The following TSC2 variants were observed in gnomAD, a reference collection of about 807,000 sequenced individuals.
TSC2 encodes tuberin.
TSC2 carries 29 observed loss-of-function variants against 202.2 expected under a neutral mutation model. The ratio of observed to expected loss-of-function variants is 0.14; its 90% CI spans 0.11 to 0.20. The LOEUF (loss-of-function observed/expected upper bound fraction) is 0.20. Among genes scored for constraint, TSC2 ranks in the 10% least tolerant of loss-of-function variants. The probability of loss-of-function intolerance (pLI) is 1.00; values close to 1 mark genes in which losing one functional copy is unlikely to be tolerated. For missense variants in TSC2, 2,429 were observed against 2,420.0 expected (o/e 1.00, Z -0.08); for synonymous variants, 1,349 against 1,044.0 (o/e 1.29, Z -5.63).
chr16:2,076,234 G>A, intron 24 of TSC2, 64 bp downstream of exon 24: 2 of 1,606,388 alleles, frequency 1.2e-6, no homozygotes, highest in Non-Finnish European at 1.7e-6. Flanking sequence ...GCCCTTGGCT[G>A]TCCATGGTCG....
chr16:2,082,634 TCG>T (rs2090285452), intron 32 of TSC2, 130 bp downstream of exon 32: 1 of 1,014,140 alleles, frequency 9.9e-7, no homozygotes, highest in African/African-American at 1.6e-5. Context: ...AGGTCCCGAC[TCG>T]CATGAGGACG....
chr16:2,070,595 T>G lies in TSC2; in HGVS notation c.1839+17T>G, dbSNP rs1401501199. On this transcript the variant is annotated intron_variant, in intron 17 of 41. Coordinates refer to ENST00000219476, the MANE Select transcript of TSC2 (RefSeq NM_000548.5). ...CGGCTGCAGGTATGGTGGCTGGGGT[T>G]GCGCAGCCAGTTCCTGGGGGCCCAG... The G allele has an allele frequency of 2.5e-6, 4 of 1,612,830 alleles. No individual in the cohort carries two copies. The highest frequency in any genetic ancestry group is 3.4e-6 in the Non-Finnish European group (4 of 1,179,928).
Position 2,058,735 on chromosome 16 carries a change from G to T in TSC2, c.849-12G>T, listed in dbSNP as rs2151104844. On this transcript the variant is annotated splice_polypyrimidine_tract_variant and intron_variant, in intron 9 of 41. Coordinates refer to ENST00000219476, the MANE Select transcript of TSC2 (RefSeq NM_000548.5). Reference sequence around the variant, plus strand: ...CCTGCTCACATTCCGTCTCTCTGGGGAACACTTTTAGAGCCTACATGGAGG... The same window carrying T: ...CCTGCTCACATTCCGTCTCTCTGGGTAACACTTTTAGAGCCTACATGGAGG... The T allele has an allele frequency of 6.4e-7, 1 of 1,574,588 alleles. No homozygotes were observed. Among genetic ancestry groups the T allele is most frequent in the Non-Finnish European group, 8.6e-7 (1 of 1,160,050 alleles).
chr16:2,071,486 C>G (rs750610943), intron 17 of TSC2, 24 bp from the exon 18 acceptor site: 29 of 1,612,958 alleles, frequency 1.8e-5, no homozygotes, highest in Non-Finnish European at 2.4e-5. Context: ...TTGGCTCTGG[C>G]TTTCACCATC....
At chr16:2,060,403 G>A (rs927978909) in intron 10 of TSC2, among the ~76,000 whole-genome samples, 1 of 152,190 alleles carries the variant, frequency 6.6e-6, no homozygotes, top group Non-Finnish European at 1.5e-5. Context: ...CTGGCCCACC[G>A]GGTGCCCAGG....
At position 2,089,041 on chromosome 16, in the gene TSC2, C is replaced by A. The variant is rs756923313; in HGVS notation, c.*431C>A. 1.4e-4 allele frequency: 27 copies of A among 197,724 alleles called. No individual in the cohort carries two copies. The highest frequency in any genetic ancestry group is 2.5e-4 in the Non-Finnish European group (24 of 95,266). The allele number at this position is 197,724 out of a possible 1,614,324, so 12.2% of individuals were successfully genotyped here. ...TGGGCGCTGCTCTCTTGCTACCTGG[C>A]CTGGGGCAAGGGAGGATGACAAGGC... On this transcript the variant is annotated 3_prime_UTR_variant, in exon 42 of 42. Transcript: ENST00000219476.
intron 12 of TSC2, among the ~76,000 whole-genome samples, 163 bp downstream of exon 12, chr16:2,062,171 G>A (rs1567429562): frequency 6.6e-6 from 1 of 152,240 alleles, no homozygotes; most frequent in African/African-American, 2.4e-5. Context: ...CACAGCACGT[G>A]TTTGGTAACA....
rs1393358018 is a variant in TSC2, at chr16:2,084,470, C to G, written c.4248C>G (p.Ala1416=). 6.2e-7 allele frequency: 1 copy of G among 1,609,310 alleles called. No individual in the cohort carries two copies. The highest frequency in any genetic ancestry group is 8.5e-7 in the Non-Finnish European group (1 of 1,178,600). The stretch of plus-strand genomic sequence containing the variant: ...GCCGGCTGAGCCCTGAGGTTAAGGC[C>G]CGGTCACAGTCAGGGACCCTGGACG... ...DVGRLSPEVK[A]RSQSGTLDGE... Residue 1416 remains alanine, a synonymous_variant, in exon 34 of 42, where the codon GCC becomes GCG. Coordinates refer to ENST00000219476, the MANE Select transcript of TSC2 (RefSeq NM_000548.5).
rs45517275 is a variant in TSC2 at position 2,077,647 on chromosome 16, G to A, written c.2887G>A (p.Val963Met). ...ACAAGGCTTGAATAACTCTCCACCC[G>A]TGAAAGAATTCAAGGAGAGCTCTGC... is the stretch of plus-strand genomic sequence containing the variant. ...PKQGLNNSPP[V>M]KEFKESSAAE... Residue 963 changes from valine (V) to methionine (M), a missense_variant, in exon 26 of 42, where the codon GTG (valine) becomes ATG (methionine). Val to Met is a conservative substitution (Grantham distance 21). Transcript: ENST00000219476. The A allele has an allele frequency of 3.0e-5, 48 of 1,613,092 alleles. No homozygotes were observed. Among genetic ancestry groups the A allele is most frequent in the East Asian group, 1.3e-4 (6 of 44,876 alleles).
intron 32 of TSC2, chr16:2,082,835 G>T (rs567953877): frequency 2.1e-6 from 1 of 473,002 alleles, no homozygotes; most frequent in Non-Finnish European, 3.9e-6. Context: ...TGTTTAGGGG[G>T]AAGCCCACCC....
chr16:2,086,063 AATGG>A, intron 36 of TSC2, 126 bp from the exon 37 acceptor site: 1 of 1,071,710 alleles, frequency 9.3e-7, no homozygotes, highest in Non-Finnish European at 1.4e-6. Context: ...TGGCTGCTGG[AATGG>A]ATGGTCTTGT....
intron 16 of TSC2, among the ~76,000 whole-genome samples, chr16:2,069,918 C>A (rs566571722): frequency 1.3e-5 from 2 of 152,156 alleles, no homozygotes; most frequent in African/African-American, 4.8e-5. Flanking sequence ...TGGCCTCAGT[C>A]ATTTCTTTCA....
chr16:2,069,912 C>A (rs1378480022), intron 16 of TSC2, among the ~76,000 whole-genome samples: 1 of 152,238 alleles, frequency 6.6e-6, no homozygotes, highest in South Asian at 2.1e-4. Flanking sequence ...CACACCTGGC[C>A]TCAGTCATTT....
chr16:2,073,066 A>C, intron 21 of TSC2, 83 bp downstream of exon 21: 1 of 1,597,248 alleles, frequency 6.3e-7, no homozygotes, highest in South Asian at 1.1e-5. Flanking sequence ...CATTTTTCTC[A>C]TAAACGAGTT....
intron 10 of TSC2, 93 bp downstream of exon 10, chr16:2,058,966 GC>G (rs1293930446): frequency 1.3e-6 from 2 of 1,546,192 alleles, no homozygotes; most frequent in East Asian, 4.7e-5. Context: ...TGCTGCGGGG[GC>G]TGCGGTGGCA....
intron 38 of TSC2, among the ~76,000 whole-genome samples, chr16:2,087,517 G>A (rs1176355865): frequency 6.6e-6 from 1 of 152,020 alleles, no homozygotes; most frequent in Non-Finnish European, 1.5e-5. Context: ...CGGCTGAGGA[G>A]GGTGTGGTGG....
chr16:2,063,570 G>A (rs909406376), intron 14 of TSC2: 1 of 251,768 alleles, frequency 4.0e-6, no homozygotes. Flanking sequence ...CGCAGCTTAG[G>A]CTCTGAGGCT....
intron 9 of TSC2, 133 bp downstream of exon 9, chr16:2,057,311 C>G: frequency 9.5e-7 from 1 of 1,052,386 alleles, no homozygotes; most frequent in Non-Finnish European, 1.4e-6. Flanking sequence ...GAGGCTGCCA[C>G]TAGAGCGAGG....
rs772378578 is a variant in TSC2 at position 2,076,165 on chromosome 16, A to G, written c.2737A>G (p.Thr913Ala). ...PFRKDFVPFI[T>A]KGLRSNVLLS... Reference sequence around the variant, plus strand: ...CCGGAAGGATTTTGTCCCTTTCATCACTAAGGTGGGCTCAGGGCCGGTGAA... The same window carrying G: ...CCGGAAGGATTTTGTCCCTTTCATCGCTAAGGTGGGCTCAGGGCCGGTGAA... The change falls in exon 24 of 42, where the codon ACT becomes GCT. Residue 913 changes from threonine to alanine, a missense_variant. Physicochemically the swap from Thr to Ala is moderately conservative, Grantham distance 58. Transcript: ENST00000219476. 2 of 1,612,988 alleles carry G rather than the reference A, an allele frequency of 1.2e-6. No homozygotes were observed. Among genetic ancestry groups the G allele is most frequent in the South Asian group, 2.2e-5 (2 of 91,032 alleles).
Sources: gnomAD v4.1 joint callset for allele counts (sites outside exome capture counted in the v4.1 genomes callset) on GRCh38, gnomAD v4.1.1 for gene constraint, MANE v1.5 for transcripts, NCBI Gene and HGNC (gene_info 2026-07-23, HGNC 2026-07-21) for gene names.